The following ARMH3 variants were observed in gnomAD, a reference collection of about 807,000 sequenced individuals.
ARMH3 encodes the protein armadillo-like helical domain-containing protein 3.
Under a neutral mutation model 99.1 loss-of-function variants are expected in ARMH3, and 60 were observed. The ratio of observed to expected loss-of-function variants is 0.61; its 90% CI spans 0.49 to 0.75. ARMH3 has a LOEUF of 0.75. Among genes scored for constraint, ARMH3 ranks in the 30% least tolerant of loss-of-function variants. The probability of loss-of-function intolerance (pLI) is 0.00; values close to 1 mark genes in which losing one functional copy is unlikely to be tolerated. For synonymous variants in ARMH3, 285 were observed against 292.8 expected, an observed-to-expected ratio of 0.97 and a Z score of 0.27; for missense variants, 679 against 843.1, an observed-to-expected ratio of 0.81 and a Z score of 2.41.
chr10:102,023,807 A>C (rs1437557997), intron 6 of ARMH3, 58 bp from the exon 7 acceptor site: 1 of 1,466,130 alleles, frequency 6.8e-7, no homozygotes, highest in Non-Finnish European at 9.5e-7. Context: ...TATCTTGTGT[A>C]ATCTCCTCCC....
At chr10:102,053,187 C>T (rs2067748389) in intron 1 of ARMH3, among the ~76,000 whole-genome samples, 1 of 140,498 alleles carries the variant, frequency 7.1e-6, no homozygotes, top group African/African-American at 2.7e-5. Flanking sequence ...CTGTCACTCC[C>T]TAACTTAAAA....
At chr10:101,879,603 C>T (rs758613445) in intron 24 of ARMH3, among the ~76,000 whole-genome samples, 2 of 152,098 alleles carry the variant, frequency 1.3e-5, no homozygotes, top group African/African-American at 2.4e-5. Context: ...CCGCCCACCT[C>T]GGCCTCCAAA....
chr10:101,958,165 C>T (rs1845125469), intron 20 of ARMH3, among the ~76,000 whole-genome samples: 1 of 152,138 alleles, frequency 6.6e-6, no homozygotes, highest in Non-Finnish European at 1.5e-5. Flanking sequence ...GACATCATTG[C>T]TAAGAGGAAA....
intron 22 of ARMH3, among the ~76,000 whole-genome samples, chr10:101,951,878 AAAAG>A (rs1001006056): frequency 2.0e-5 from 3 of 151,298 alleles, no homozygotes; most frequent in Non-Finnish European, 2.9e-5. Flanking sequence ...AAAAAAAAAA[AAAAG>A]AAGAAGAAGA....
In ARMH3 at chr10:102,049,079, C is replaced by A. The variant is rs575153911; in HGVS notation, c.-12+7006G>T. ...AAGCCCCAGGTATTTAGCTCACTTG[C>A]TAGATCACATCCTACTGTTCCACAT... is the stretch of plus-strand genomic sequence containing the variant. On this transcript the variant is annotated intron_variant, in intron 1 of 25. Coordinates refer to ENST00000370033, the MANE Select transcript of ARMH3 (RefSeq NM_024541.3). Among the ~76,000 whole-genome samples the A allele has an allele frequency of 4.4e-4, 67 of 152,098 alleles. 1 individual carries two copies. In the South Asian group the frequency reaches 0.014, roughly 32 times the overall value.
Position 101,909,755 on chromosome 10 carries a change from C to T in ARMH3, c.1782-20265G>A, listed in dbSNP as rs115845087. Among the ~76,000 whole-genome samples the T allele has an allele frequency of 9.3e-3, 1,417 of 152,102 alleles. 17 individuals are homozygous for T. The highest frequency in any genetic ancestry group is 0.032 in the African/African-American group (1,345 of 41,470). ...GATTACAGGAGTGAGCCACTATGCCCAGTCTCTCATTTTTCATGACACAAT... is the reference window on the plus strand; with the variant it reads ...GATTACAGGAGTGAGCCACTATGCCTAGTCTCTCATTTTTCATGACACAAT... On this transcript the variant is annotated intron_variant, in intron 23 of 25. Transcript: ENST00000370033.
intron 23 of ARMH3, among the ~76,000 whole-genome samples, chr10:101,925,654 A>G (rs1843479901): frequency 6.6e-6 from 1 of 152,362 alleles, no homozygotes; most frequent in African/African-American, 2.4e-5. Flanking sequence ...TCAGCCTGTA[A>G]TCCCAGCACT....
intron 24 of ARMH3, among the ~76,000 whole-genome samples, chr10:101,863,690 C>T (rs2066924422): frequency 3.3e-5 from 5 of 151,858 alleles, no homozygotes; most frequent in Admixed American, 2.6e-4. Flanking sequence ...TTTGGAAGGC[C>T]GAGGTGAGAG....
chr10:101,962,266 C>G (rs995229089), intron 20 of ARMH3, among the ~76,000 whole-genome samples: 1 of 152,296 alleles, frequency 6.6e-6, no homozygotes, highest in East Asian at 1.9e-4. Flanking sequence ...ACTCCACATC[C>G]CTGGGAATGC....
At chr10:101,885,701 CAG>C (rs2067523284) in intron 24 of ARMH3, among the ~76,000 whole-genome samples, 2 of 152,112 alleles carry the variant, frequency 1.3e-5, no homozygotes, top group African/African-American at 4.8e-5. Flanking sequence ...AGAAGGAGAG[CAG>C]AGATGGTTGC....
intron 24 of ARMH3, among the ~76,000 whole-genome samples, chr10:101,862,149 A>G (rs898119257): frequency 1.3e-5 from 2 of 152,128 alleles, no homozygotes; most frequent in Admixed American, 6.6e-5. Flanking sequence ...AATAGTAAAT[A>G]CATGGGTAAA....
intron 24 of ARMH3, among the ~76,000 whole-genome samples, chr10:101,879,328 C>T (rs975314570): frequency 1.3e-5 from 2 of 151,650 alleles, no homozygotes; most frequent in East Asian, 1.9e-4. Flanking sequence ...ATGATAAGTA[C>T]ATCTACCCCA....
Position 102,040,029 on chromosome 10 carries a change from T to C in ARMH3, c.86A>G (p.Tyr29Cys), listed in dbSNP as rs1429080871. ...AGGCCTTACCATGAAGATCTCATCA[T>C]ACATCAGCACCACTTTTTCCTTCAG... ...KPLKEKVVLM[Y>C]DEIFMTEDPS... Residue 29 changes from tyrosine to cysteine, a missense_variant, in exon 2 of 26, where the codon TAT becomes TGT. Tyr to Cys is a radical substitution (Grantham distance 194). This residue lies in a region of ARMH3 where 280 missense variants were observed against 354.6 expected (regional missense o/e 0.79). Transcript: ENST00000370033. 5.6e-6 allele frequency: 9 copies of C among 1,614,146 alleles called. No individual in the cohort carries two copies. The highest frequency in any genetic ancestry group is 7.6e-6 in the Non-Finnish European group (9 of 1,179,958).
intron 2 of ARMH3, among the ~76,000 whole-genome samples, chr10:102,034,635 CA>C (rs879442856): frequency 1.2e-3 from 137 of 109,614 alleles, no homozygotes; most frequent in Admixed American, 1.4e-3. Context: ...GACTCCATCT[CA>C]AAAAAAAAAA....
chr10:102,029,867 T>C, intron 4 of ARMH3, 122 bp from the exon 5 acceptor site: 1 of 1,002,980 alleles, frequency 1.0e-6, no homozygotes, highest in Non-Finnish European at 1.4e-6. Context: ...AGTTCTGAGC[T>C]CCAAAACACA....
At chr10:102,005,287 G>A (rs2066457292) in intron 14 of ARMH3, among the ~76,000 whole-genome samples, 4 of 151,364 alleles carry the variant, frequency 2.6e-5, no homozygotes, top group African/African-American at 2.4e-5. Flanking sequence ...GAAGGCTGAG[G>A]CATGAGAATC....
At chr10:101,965,280 T>C (rs1845483517) in intron 20 of ARMH3, among the ~76,000 whole-genome samples, 2 of 152,226 alleles carry the variant, frequency 1.3e-5, no homozygotes, top group Admixed American at 1.3e-4. Flanking sequence ...CTGTAACCTC[T>C]GCATAACTGA....
At chr10:102,001,855 A>T in intron 15 of ARMH3, 116 bp downstream of exon 15, 2 of 903,248 alleles carry the variant, frequency 2.2e-6, no homozygotes, top group South Asian at 3.3e-5. Context: ...AAGACCATGT[A>T]CACAAGGCCC....
chr10:101,918,382 G>A (rs949681906), intron 23 of ARMH3, among the ~76,000 whole-genome samples: 5 of 152,082 alleles, frequency 3.3e-5, no homozygotes, highest in African/African-American at 1.2e-4. Flanking sequence ...AATAACTATA[G>A]GAAAACCAAA....
Sources: gnomAD v4.1 joint callset for allele counts (sites outside exome capture counted in the v4.1 genomes callset) on GRCh38, gnomAD v4.1.1 for gene constraint, gnomAD v4.1.1 regional missense constraint, MANE v1.5 for transcripts, NCBI Gene and HGNC (gene_info 2026-07-23, HGNC 2026-07-21) for gene names.